ULK4: variants seen among roughly 807,000 people sequenced by gnomAD.
ULK4 encodes the protein unc-51 like kinase 4.
In ULK4, 133 loss-of-function variants were observed where a neutral mutation model predicts 160.6. The ratio of observed to expected loss-of-function variants is 0.83; its 90% CI spans 0.72 to 0.96. The LOEUF (loss-of-function observed/expected upper bound fraction) is 0.96. ULK4 is among the 40% of genes least tolerant of loss of function. The pLI is 0.00. For synonymous variants in ULK4, 534 were observed against 539.8 expected (o/e 0.99, Z 0.15); for missense variants, 1,580 against 1,499.5 (o/e 1.05, Z -0.89).
At chr3:41,451,490 A>T (rs1045904383) in intron 34 of ULK4, among the ~76,000 whole-genome samples, 1 of 151,956 alleles carries the variant, frequency 6.6e-6, no homozygotes, top group African/African-American at 2.4e-5. Context: ...GAGAAATGAC[A>T]GTTGATCATT....
intron 31 of ULK4, among the ~76,000 whole-genome samples, chr3:41,596,823 A>G (rs2031726670): frequency 6.6e-6 from 1 of 152,146 alleles, no homozygotes; most frequent in Admixed American, 6.5e-5. Flanking sequence ...AGTCACCAAG[A>G]AAGATGGCAG....
chr3:41,940,836 T>G (rs1699928841), intron 2 of ULK4, among the ~76,000 whole-genome samples: 1 of 152,182 alleles, frequency 6.6e-6, no homozygotes, highest in Non-Finnish European at 1.5e-5. Context: ...ATAAGAATAC[T>G]TGTGCATAAA....
At chr3:41,486,393 G>C (rs2084533260) in intron 32 of ULK4, among the ~76,000 whole-genome samples, 1 of 152,102 alleles carries the variant, frequency 6.6e-6, no homozygotes, top group African/African-American at 2.4e-5. Context: ...AATAAACAAA[G>C]GTAACCCAAA....
chr3:41,401,186 G>T (rs1575515491), intron 34 of ULK4, among the ~76,000 whole-genome samples: 1 of 152,096 alleles, frequency 6.6e-6, no homozygotes, highest in Non-Finnish European at 1.5e-5. Context: ...TGCTGTGGTG[G>T]CAAGAACAAA....
intron 32 of ULK4, among the ~76,000 whole-genome samples, chr3:41,517,466 C>A (rs935255831): frequency 1.3e-5 from 2 of 152,136 alleles, no homozygotes; most frequent in African/African-American, 2.4e-5. Context: ...GTAAGAGGCA[C>A]CATCTTGGAA....
intron 32 of ULK4, among the ~76,000 whole-genome samples, chr3:41,535,327 C>G (rs1010934593): frequency 3.9e-5 from 6 of 152,140 alleles, no homozygotes; most frequent in African/African-American, 1.4e-4. Context: ...TAATGTGTAC[C>G]TCAGAATTCA....
chr3:41,281,495 T>C (rs4515026), intron 35 of ULK4, among the ~76,000 whole-genome samples: 85,602 of 152,074 alleles, frequency 0.56, 26,087 homozygotes, highest in African/African-American at 0.82. Flanking sequence ...GCTGGCTCAA[T>C]ATATGCAAAT....
At chr3:41,596,976 A>G (rs1169076973) in intron 31 of ULK4, among the ~76,000 whole-genome samples, 2 of 152,092 alleles carry the variant, frequency 1.3e-5, no homozygotes, top group Non-Finnish European at 2.9e-5. Context: ...CCTGACTTCT[A>G]CGCTCTAGAT....
In ULK4 at chr3:41,658,728, TACACACAC is replaced by T. The variant is rs748566253; in HGVS notation, c.3071+4871_3071+4878del. The stretch of plus-strand genomic sequence containing the variant: ...ATGCTACTGTGTATGTGAAAAACAG[TACACACAC>T]ACACACACACACACACACACACATA... On this transcript the variant is annotated intron_variant, in intron 30 of 36. Coordinates refer to ENST00000301831, the MANE Select transcript of ULK4 (RefSeq NM_017886.4). Among the ~76,000 whole-genome samples the T allele has an allele frequency of 1.9e-3, 157 of 84,502 alleles. 1 individual carries two copies. The East Asian group carries it at 0.035, about 19-fold the overall frequency. The allele number at this position is 84,502 out of a possible 152,430, so 55.4% of individuals were successfully genotyped here.
At chr3:41,916,123 AC>A (rs1342298445) in intron 7 of ULK4, 71 bp from the exon 8 acceptor site, 20 of 957,258 alleles carry the variant, frequency 2.1e-5, no homozygotes, top group Non-Finnish European at 2.8e-5. Flanking sequence ...TTTATCTCTT[AC>A]ATCAACATTT....
chr3:41,730,182 G>C (rs577039626), intron 22 of ULK4, among the ~76,000 whole-genome samples: 1 of 151,910 alleles, frequency 6.6e-6, no homozygotes, highest in Non-Finnish European at 1.5e-5. Flanking sequence ...ATAAATGCCC[G>C]CATCAAAAAA....
intron 31 of ULK4, among the ~76,000 whole-genome samples, chr3:41,570,930 A>T (rs977935070): frequency 4.6e-5 from 7 of 152,210 alleles, no homozygotes; most frequent in African/African-American, 7.2e-5. Flanking sequence ...TCTGATTATC[A>T]AACTTCCCCA....
intron 32 of ULK4, among the ~76,000 whole-genome samples, chr3:41,470,780 CTGTTA>C (rs1306576983): frequency 1.3e-5 from 2 of 152,114 alleles, no homozygotes; most frequent in African/African-American, 4.8e-5. Context: ...TTGAAACAGA[CTGTTA>C]TAAGATGTTC....
intron 34 of ULK4, among the ~76,000 whole-genome samples, chr3:41,449,230 TA>T (rs891060722): frequency 2.1e-5 from 3 of 143,870 alleles, no homozygotes; most frequent in Admixed American, 7.0e-5. Context: ...AAGTTTTATT[TA>T]AAAATTTTTT....
intron 19 of ULK4, among the ~76,000 whole-genome samples, chr3:41,812,148 T>A (rs2040836985): frequency 6.6e-6 from 1 of 152,072 alleles, no homozygotes; most frequent in African/African-American, 2.4e-5. Context: ...TAGCCAGGCG[T>A]GGTGGCACAC....
rs577574368 is a variant in ULK4 at position 41,945,955 on chromosome 3, G to A, written c.139-7758C>T. Among the ~76,000 whole-genome samples the A allele has an allele frequency of 1.8e-3, 281 of 152,152 alleles. 1 individual carries two copies. The highest frequency in any genetic ancestry group is 3.6e-3 in the Non-Finnish European group (242 of 68,010). On this transcript the variant is annotated intron_variant, in intron 2 of 36. Coordinates refer to ENST00000301831, the MANE Select transcript of ULK4 (RefSeq NM_017886.4). Reference sequence around the variant, plus strand: ...TATGTATTCAGACTCTTCATTCATAGAAAGTCAAAACTAGCAAAATTAATC... The same window carrying A: ...TATGTATTCAGACTCTTCATTCATAAAAAGTCAAAACTAGCAAAATTAATC...
At chr3:41,401,447 C>T (rs879152126) in intron 34 of ULK4, among the ~76,000 whole-genome samples, 27 of 152,122 alleles carry the variant, frequency 1.8e-4, no homozygotes, top group South Asian at 2.1e-4. Flanking sequence ...AAGAGAAAGG[C>T]AGAGGAACTT....
At chr3:41,798,556 AC>A (rs2040366901) in intron 20 of ULK4, among the ~76,000 whole-genome samples, 1 of 152,154 alleles carries the variant, frequency 6.6e-6, no homozygotes, top group African/African-American at 2.4e-5. Flanking sequence ...TTCCATAAAT[AC>A]CCACAGGATT....
chr3:41,413,841 T>G (rs9852005), intron 34 of ULK4, among the ~76,000 whole-genome samples: 87,374 of 152,044 alleles, frequency 0.57, 26,652 homozygotes, highest in African/African-American at 0.81. Context: ...ATTTGGGGTT[T>G]CCAGACTTAG....
Sources: allele counts gnomAD v4.1 joint callset (sites outside exome capture counted in the v4.1 genomes callset), GRCh38; gene constraint gnomAD v4.1.1; transcripts MANE v1.5; gene names NCBI Gene and HGNC (gene_info 2026-07-23, HGNC 2026-07-21).